PDIA5: variants seen among roughly 807,000 people sequenced by gnomAD.
PDIA5 encodes the protein protein disulfide isomerase family A member 5.
PDIA5 carries 58 observed loss-of-function variants against 77.6 expected under a neutral mutation model. The observed-to-expected ratio is 0.75, with a 90% CI of 0.61 to 0.93. The LOEUF (loss-of-function observed/expected upper bound fraction) is 0.93. Among genes scored for constraint, PDIA5 ranks in the 40% least tolerant of loss-of-function variants. The probability of loss-of-function intolerance (pLI) is 0.00; values close to 1 mark genes in which losing one functional copy is unlikely to be tolerated. For synonymous variants in PDIA5, 250 were observed against 252.1 expected (o/e 0.99, Z 0.08); for missense variants, 630 against 647.7 (o/e 0.97, Z 0.30).
chr3:123,150,457 G>A (rs2107986661), intron 14 of PDIA5, 93 bp downstream of exon 14: 2 of 1,264,664 alleles, frequency 1.6e-6, no homozygotes, highest in Non-Finnish European at 2.2e-6. Context: ...AGGGACCAAG[G>A]CAGCCGCTGA....
At chr3:123,125,441 G>A (rs988485301) in intron 10 of PDIA5, among the ~76,000 whole-genome samples, 39 of 152,190 alleles carry the variant, frequency 2.6e-4, no homozygotes, top group African/African-American at 6.0e-4. Flanking sequence ...ATGGGTCCCC[G>A]CCACCAACCC....
chr3:123,121,864 C>T lies in PDIA5; in HGVS notation c.610-2202C>T, dbSNP rs145750672. On this transcript the variant is annotated intron_variant, in intron 8 of 16. Transcript: ENST00000316218. ...GTGGCTGCAGATGAGGAAAGTGAGA[C>T]GCAGAGACAACTGTGACTCATTCAA... 9.8e-5 allele frequency among the ~76,000 whole-genome samples: 15 copies of T among 152,334 alleles called. 1 individual carries two copies. Among genetic ancestry groups the T allele is most frequent in the African/African-American group, 3.1e-4 (13 of 41,558 alleles).
At chr3:123,132,321 C>T (rs895364561) in intron 11 of PDIA5, among the ~76,000 whole-genome samples, 3 of 152,146 alleles carry the variant, frequency 2.0e-5, no homozygotes, top group African/African-American at 7.2e-5. Flanking sequence ...GGGAATTGCT[C>T]ATAAACATAC....
intron 3 of PDIA5, 119 bp from the exon 4 acceptor site, chr3:123,102,291 AT>A (rs1934621442): frequency 1.4e-6 from 1 of 732,014 alleles, no homozygotes; most frequent in South Asian, 1.6e-5. Flanking sequence ...TAAGGCCTTC[AT>A]CTGCTATTGA....
chr3:123,068,723 T>C (rs1368707001), intron 1 of PDIA5, among the ~76,000 whole-genome samples: 1 of 152,224 alleles, frequency 6.6e-6, no homozygotes, highest in East Asian at 1.9e-4. Flanking sequence ...TGCCCTCCAC[T>C]GGGTTAGATT....
intron 3 of PDIA5, among the ~76,000 whole-genome samples, chr3:123,095,679 G>T (rs1265373942): frequency 6.6e-6 from 1 of 151,354 alleles, no homozygotes; most frequent in African/African-American, 2.4e-5. Flanking sequence ...AACCCAGGAG[G>T]TGGAGGTTGC....
chr3:123,079,193 T>C (rs1933929028), intron 1 of PDIA5, among the ~76,000 whole-genome samples: 1 of 144,832 alleles, frequency 6.9e-6, no homozygotes, highest in Admixed American at 6.9e-5. Flanking sequence ...TTTTTTTTTT[T>C]TTTTTGAGAT....
chr3:123,155,114 C>A, intron 15 of PDIA5, 73 bp downstream of exon 15: 2 of 1,081,498 alleles, frequency 1.8e-6, no homozygotes, highest in Non-Finnish European at 2.9e-6. Flanking sequence ...TCATTCAGGT[C>A]CTTCCCCAAA....
intron 15 of PDIA5, among the ~76,000 whole-genome samples, chr3:123,157,101 C>T (rs931989394): frequency 3.9e-5 from 6 of 152,204 alleles, no homozygotes; most frequent in African/African-American, 1.4e-4. Context: ...TCTCTTATTC[C>T]CTCTGTCTCT....
chr3:123,106,801 A>T lies in PDIA5; in HGVS notation c.440A>T (p.Asp147Val), dbSNP rs1560518985. The change falls in exon 6 of 17, where the codon GAT (aspartate) becomes GTT (valine). Residue 147 changes from aspartate (D) to valine (V), a missense_variant. Coordinates refer to ENST00000316218, the MANE Select transcript of PDIA5 (RefSeq NM_006810.4). Reference protein sequence around the residue: ...DPKGPPLWEEDPGAKDVVHLD... With the variant: ...DPKGPPLWEEVPGAKDVVHLD... ...AAAGGGCCCCCACTGTGGGAGGAAGATCCTGGAGCCAAAGATGTTGTCCAC... is the reference window on the plus strand; with the variant it reads ...AAAGGGCCCCCACTGTGGGAGGAAGTTCCTGGAGCCAAAGATGTTGTCCAC... The T allele has an allele frequency of 1.2e-6, 2 of 1,612,794 alleles. No homozygotes were observed. Among genetic ancestry groups the T allele is most frequent in the Non-Finnish European group, 1.7e-6 (2 of 1,179,614 alleles).
In PDIA5 at chr3:123,098,229, C is replaced by T. The variant is rs941490025; in HGVS notation, c.258-4182C>T. ...TTGCAGCTCAGGAAACTAAGGGTCC[C>T]GCCAGAGGTCGCTAATGGCAGAGCC... On this transcript the variant is annotated intron_variant, in intron 3 of 16. Coordinates refer to ENST00000316218, the MANE Select transcript of PDIA5 (RefSeq NM_006810.4). 3.9e-5 allele frequency among the ~76,000 whole-genome samples: 6 copies of T among 152,144 alleles called. No individual in the cohort carries two copies. The South Asian group carries it at 6.2e-4, about 16-fold the overall frequency.
chr3:123,110,834 C>T, intron 6 of PDIA5, 110 bp from the exon 7 acceptor site: 1 of 915,816 alleles, frequency 1.1e-6, no homozygotes, highest in Non-Finnish European at 1.8e-6. Context: ...CTCCCCCTCC[C>T]CTCCCCATCC....
At chr3:123,156,513 G>A (rs1487588620) in intron 15 of PDIA5, among the ~76,000 whole-genome samples, 1 of 152,182 alleles carries the variant, frequency 6.6e-6, no homozygotes, top group Non-Finnish European at 1.5e-5. Flanking sequence ...CCTGCTTGGT[G>A]GTCCCACGAT....
intron 8 of PDIA5, among the ~76,000 whole-genome samples, chr3:123,116,687 G>T (rs1052981256): frequency 6.6e-6 from 1 of 152,212 alleles, no homozygotes; most frequent in African/African-American, 2.4e-5. Context: ...AGGGTGTGAT[G>T]ACCTTAGGGG....
chr3:123,076,046 A>G (rs375740358), intron 1 of PDIA5, among the ~76,000 whole-genome samples: 1 of 152,268 alleles, frequency 6.6e-6, no homozygotes, highest in African/African-American at 2.4e-5. Context: ...TGCTGGTAGC[A>G]GAGGGAAGAT....
At chr3:123,089,074 TA>T in intron 1 of PDIA5, 93 bp from the exon 2 acceptor site, 1 of 1,259,844 alleles carries the variant, frequency 7.9e-7, no homozygotes. Context: ...CCTCTGGAAG[TA>T]AAGCAGCTCT....
rs75620824 is a variant in PDIA5 at position 123,076,795 on chromosome 3, G to T, written c.42+9589G>T. Among the ~76,000 whole-genome samples, 1,444 of 152,338 alleles carry T rather than the reference G, an allele frequency of 9.5e-3. 26 individuals carry two copies. Among genetic ancestry groups the T allele is most frequent in the African/African-American group, 0.033 (1,373 of 41,564 alleles). ...GTTAACAGGCCTGGCACACCAAGCT[G>T]GCGGTGATCCAGACCCCTCTTGGCT... On this transcript the variant is annotated intron_variant, in intron 1 of 16. Transcript: ENST00000316218.
intron 10 of PDIA5, 81 bp downstream of exon 10, chr3:123,124,424 G>T (rs921996115): frequency 2.0e-6 from 2 of 988,004 alleles, no homozygotes; most frequent in Non-Finnish European, 3.3e-6. Context: ...CAGGGCTCTG[G>T]CTGGAGGTTG....
At chr3:123,135,068 G>A (rs557972646) in intron 11 of PDIA5, among the ~76,000 whole-genome samples, 58 of 152,340 alleles carry the variant, frequency 3.8e-4, no homozygotes, top group African/African-American at 1.3e-3. Flanking sequence ...CAAATGGTGT[G>A]TCAGGAGGAC....
Sources: gnomAD v4.1 joint callset for allele counts (sites outside exome capture counted in the v4.1 genomes callset) on GRCh38, gnomAD v4.1.1 for gene constraint, MANE v1.5 for transcripts, NCBI Gene and HGNC (gene_info 2026-07-23, HGNC 2026-07-21) for gene names.